Variants in CDK19 observed in about 807,000 individuals in gnomAD.
CDK19 encodes cyclin-dependent kinase 19.
A neutral mutation model predicts 68.3 loss-of-function variants in CDK19; 20 were observed. That is an observed-to-expected ratio of 0.29 (90% CI 0.21 to 0.43). CDK19 has a LOEUF of 0.43. Among genes scored for constraint, CDK19 ranks in the 20% least tolerant of loss-of-function variants. The pLI, the probability that CDK19 is intolerant of heterozygous loss-of-function variation, is 1.00. For synonymous variants in CDK19, 221 were observed against 222.8 expected, an observed-to-expected ratio of 0.99 and a Z score of 0.07; for missense variants, 339 against 623.5, an observed-to-expected ratio of 0.54 and a Z score of 4.86.
rs1016677236 is a variant in CDK19 at position 110,679,719 on chromosome 6, C to T, written c.205-9178G>A. ...TAATTTTACCTTTTTTGAAAACAAT[C>T]ATTTAATACTCATTGTACAGAAATA... On this transcript the variant is annotated intron_variant, in intron 2 of 12. Coordinates refer to ENST00000368911, the MANE Select transcript of CDK19 (RefSeq NM_015076.5). 2.0e-5 allele frequency among the ~76,000 whole-genome samples: 3 copies of T among 152,104 alleles called. No homozygotes were observed. In the East Asian group the frequency reaches 5.8e-4, roughly 29 times the overall value.
intron 2 of CDK19, among the ~76,000 whole-genome samples, chr6:110,742,352 G>A (rs1039187443): frequency 5.3e-5 from 8 of 152,100 alleles, no homozygotes; most frequent in African/African-American, 1.9e-4. Flanking sequence ...ATCTTCGTAA[G>A]CCAAGAATGT....
chr6:110,685,644 T>C (rs150514161), intron 2 of CDK19, among the ~76,000 whole-genome samples: 5 of 152,348 alleles, frequency 3.3e-5, no homozygotes, highest in African/African-American at 7.2e-5. Context: ...GACATCAGAA[T>C]ATCTTCCTAA....
intron 2 of CDK19, among the ~76,000 whole-genome samples, chr6:110,692,600 C>A (rs143327471): frequency 1.4e-3 from 206 of 152,230 alleles, no homozygotes; most frequent in Non-Finnish European, 2.4e-3. Context: ...TGGCCTTTGG[C>A]TAGAGATTTA....
chr6:110,617,092 C>A (rs1014778423), intron 12 of CDK19, among the ~76,000 whole-genome samples: 1 of 152,128 alleles, frequency 6.6e-6, no homozygotes, highest in Non-Finnish European at 1.5e-5. Context: ...CCTTTTTGTG[C>A]CCTCTTGTCT....
intron 1 of CDK19, among the ~76,000 whole-genome samples, chr6:110,758,569 A>C (rs1778984584): frequency 6.6e-6 from 1 of 152,222 alleles, no homozygotes; most frequent in African/African-American, 2.4e-5. Context: ...CATGTTACCA[A>C]AATAAACTTG....
intron 2 of CDK19, among the ~76,000 whole-genome samples, chr6:110,729,594 A>T (rs1776596095): frequency 1.8e-5 from 2 of 112,860 alleles, no homozygotes; most frequent in Non-Finnish European, 3.5e-5. Flanking sequence ...AGGCCCAGCT[A>T]ATTTTTGTAT....
At chr6:110,628,494 C>T (rs1372563344) in intron 6 of CDK19, among the ~76,000 whole-genome samples, 1 of 152,206 alleles carries the variant, frequency 6.6e-6, no homozygotes, top group East Asian at 1.9e-4. Flanking sequence ...TCTCCATCTT[C>T]CTGGGATGTG....
At chr6:110,737,874 C>T (rs1266087179) in intron 2 of CDK19, among the ~76,000 whole-genome samples, 1 of 152,098 alleles carries the variant, frequency 6.6e-6, no homozygotes, top group Non-Finnish European at 1.5e-5. Flanking sequence ...GTCTTCAACT[C>T]CAAAAGTAAA....
intron 12 of CDK19, among the ~76,000 whole-genome samples, chr6:110,615,473 T>C (rs149097190): frequency 6.6e-6 from 1 of 152,352 alleles, no homozygotes; most frequent in Non-Finnish European, 1.5e-5. Context: ...CTGGTTTTTC[T>C]TGTAAGCAAA....
At chr6:110,636,895 G>C (rs905749991) in intron 5 of CDK19, among the ~76,000 whole-genome samples, 1 of 152,210 alleles carries the variant, frequency 6.6e-6, no homozygotes, top group Non-Finnish European at 1.5e-5. Flanking sequence ...GCTAGGAAGG[G>C]CACTAGTAGA....
intron 1 of CDK19, among the ~76,000 whole-genome samples, chr6:110,792,325 TTTTC>T (rs1328430081): frequency 1.3e-5 from 2 of 152,076 alleles, no homozygotes; most frequent in African/African-American, 4.8e-5. Flanking sequence ...CCTTTACCTT[TTTTC>T]TTTATTTTCA....
intron 5 of CDK19, among the ~76,000 whole-genome samples, chr6:110,632,727 T>G (rs1042046453): frequency 6.6e-6 from 1 of 151,970 alleles, no homozygotes; most frequent in Non-Finnish European, 1.5e-5. Flanking sequence ...TGAGACTCCA[T>G]CCCCTGTCCC....
In CDK19 at chr6:110,646,523, C is replaced by T; in HGVS notation, c.457-7817G>A. On this transcript the variant is annotated intron_variant, in intron 4 of 12. Coordinates refer to ENST00000368911, the MANE Select transcript of CDK19 (RefSeq NM_015076.5). ...CGTGGTGCCCTGGGAAACCGACGTG[C>T]GCCTCCACCTGCAACAGGTGCTTAA... 2.3e-6 allele frequency: 3 copies of T among 1,292,744 alleles called. No homozygotes were observed. In the South Asian group the frequency reaches 4.8e-5, roughly 21 times the overall value. The allele number at this position is 1,292,744 out of a possible 1,614,324, so 80.1% of individuals were successfully genotyped here.
At chr6:110,789,947 A>G (rs1781479451) in intron 1 of CDK19, among the ~76,000 whole-genome samples, 1 of 152,212 alleles carries the variant, frequency 6.6e-6, no homozygotes, top group African/African-American at 2.4e-5. Context: ...GCACAGTTCA[A>G]ATTTTGTTCA....
intron 2 of CDK19, among the ~76,000 whole-genome samples, chr6:110,709,095 T>C (rs1382343655): frequency 5.9e-5 from 9 of 152,088 alleles, no homozygotes; most frequent in African/African-American, 1.9e-4. Context: ...ATTATCTCAA[T>C]AGATGCAGAA....
At chr6:110,694,019 A>T (rs1773260527) in intron 2 of CDK19, among the ~76,000 whole-genome samples, 1 of 152,036 alleles carries the variant, frequency 6.6e-6, no homozygotes, top group Admixed American at 6.6e-5. Context: ...AATACACCAA[A>T]ATAGAACCTC....
chr6:110,657,193 C>G (rs1327705292), intron 4 of CDK19, among the ~76,000 whole-genome samples: 1 of 152,174 alleles, frequency 6.6e-6, no homozygotes, highest in Non-Finnish European at 1.5e-5. Flanking sequence ...GATGAAAACC[C>G]AGTTCTCTCA....
chr6:110,680,279 G>A (rs1431950177), intron 2 of CDK19, among the ~76,000 whole-genome samples: 5 of 152,176 alleles, frequency 3.3e-5, no homozygotes, highest in Non-Finnish European at 4.4e-5. Flanking sequence ...TGTATAATTC[G>A]AAGAGCAAAG....
intron 1 of CDK19, among the ~76,000 whole-genome samples, chr6:110,776,995 G>A (rs889176279): frequency 1.4e-4 from 22 of 152,178 alleles, no homozygotes; most frequent in African/African-American, 5.3e-4. Flanking sequence ...AGCCAGAAGT[G>A]GCAAGTTAAA....
Sources: allele counts gnomAD v4.1 joint callset (sites outside exome capture counted in the v4.1 genomes callset), GRCh38; gene constraint gnomAD v4.1.1; transcripts MANE v1.5; gene names NCBI Gene and HGNC (gene_info 2026-07-23, HGNC 2026-07-21).